The following CTNNA3 variants were observed in gnomAD, a reference collection of about 807,000 sequenced individuals.
The protein encoded by CTNNA3 is catenin alpha 3, also known as catenin alpha-3.
Under a neutral mutation model 95.7 loss-of-function variants are expected in CTNNA3, and 76 were observed. The observed-to-expected ratio is 0.79, with a 90% CI of 0.66 to 0.96. The LOEUF (loss-of-function observed/expected upper bound fraction) is 0.96. CTNNA3 is among the 40% of genes least tolerant of loss of function. The probability of loss-of-function intolerance (pLI) is 0.00; values close to 1 mark genes in which losing one functional copy is unlikely to be tolerated. For missense variants in CTNNA3, 1,191 were observed against 1,089.8 expected (o/e 1.09, Z -1.31); for synonymous variants, 431 against 374.4 (o/e 1.15, Z -1.74).
At chr10:66,999,578 A>G (rs1180811119) in intron 7 of CTNNA3, among the ~76,000 whole-genome samples, 1 of 152,066 alleles carries the variant, frequency 6.6e-6, no homozygotes. Context: ...CATCCCTTTT[A>G]GGTCACAAAA....
At chr10:67,681,396 C>T (rs1241287110) in intron 1 of CTNNA3, among the ~76,000 whole-genome samples, 3 of 152,006 alleles carry the variant, frequency 2.0e-5, no homozygotes, top group Non-Finnish European at 4.4e-5. Context: ...ATGATAAATA[C>T]GGCTTTTCAA....
chr10:67,117,272 A>C (rs1297344263), intron 7 of CTNNA3, among the ~76,000 whole-genome samples: 1 of 151,950 alleles, frequency 6.6e-6, no homozygotes, highest in Non-Finnish European at 1.5e-5. Context: ...AAAAAAAAAA[A>C]CAACTATACT....
At chr10:66,394,862 C>A (rs1195514302) in intron 11 of CTNNA3, among the ~76,000 whole-genome samples, 1 of 151,886 alleles carries the variant, frequency 6.6e-6, no homozygotes, top group African/African-American at 2.4e-5. Flanking sequence ...TTAAAATAAC[C>A]CCCTAGAGGT....
chr10:66,360,816 CCTTTCTTTCTTTCTTT>C (rs758092288), intron 12 of CTNNA3, among the ~76,000 whole-genome samples: 3,314 of 50,206 alleles, frequency 0.066, 351 homozygotes, highest in East Asian at 0.29. Flanking sequence ...TTCCTTCCTT[CCTTTCTTTCTTTCTTT>C]CTTTCTTTCT....
intron 10 of CTNNA3, among the ~76,000 whole-genome samples, chr10:66,564,727 G>A (rs1842653566): frequency 6.6e-6 from 1 of 152,168 alleles, no homozygotes; most frequent in Admixed American, 6.5e-5. Flanking sequence ...GGACATAAAA[G>A]GTGAGGAAGG....
At chr10:67,483,534 G>A (rs576782955) in intron 5 of CTNNA3, among the ~76,000 whole-genome samples, 29 of 151,066 alleles carry the variant, frequency 1.9e-4, no homozygotes, top group Middle Eastern at 3.4e-3. Context: ...ACCAAACACC[G>A]CATGTTCTCA....
In CTNNA3 at chr10:65,916,502, A is replaced by G. The variant is rs1249197501; in HGVS notation, c.*3828T>C. 1 of 152,188 alleles carries G rather than the reference A, an allele frequency of 6.6e-6. No homozygotes were observed. Among genetic ancestry groups the G allele is most frequent in the Non-Finnish European group, 1.5e-5 (1 of 68,026 alleles). 9.4% of individuals were successfully genotyped at this position (152,188 alleles called of 1,614,324 possible). On this transcript the variant is annotated 3_prime_UTR_variant, in exon 18 of 18. Coordinates refer to ENST00000433211, the MANE Select transcript of CTNNA3 (RefSeq NM_013266.4). Reference sequence around the variant, plus strand: ...ATCTTATTCCACTCATACTACCACTATACAAAAATCTGTAGCCATGGGAAC... The same window carrying G: ...ATCTTATTCCACTCATACTACCACTGTACAAAAATCTGTAGCCATGGGAAC...
In CTNNA3 at chr10:67,216,490, C is replaced by A. The variant is rs146075392; in HGVS notation, c.843+3117G>T. ...GGTAAGGAAAAAATGCTTTTCACTGCAAAATCACAAAATGGCATGCCGTAT... is the reference window on the plus strand; with the variant it reads ...GGTAAGGAAAAAATGCTTTTCACTGAAAAATCACAAAATGGCATGCCGTAT... On this transcript the variant is annotated intron_variant, in intron 6 of 17. Transcript: ENST00000433211. Among the ~76,000 whole-genome samples, 1,401 of 152,234 alleles carry A rather than the reference C, an allele frequency of 9.2e-3. 29 individuals are homozygous for A. Among genetic ancestry groups the A allele is most frequent in the African/African-American group, 0.032 (1,329 of 41,536 alleles).
chr10:65,966,700 T>G lies in CTNNA3; in HGVS notation c.2312A>C (p.Gln771Pro). The G allele has an allele frequency of 6.2e-7, 1 of 1,613,738 alleles. No individual in the cohort carries two copies. Among genetic ancestry groups the G allele is most frequent in the Non-Finnish European group, 8.5e-7 (1 of 1,179,694 alleles). Residue 771 changes from glutamine to proline, a missense_variant, in exon 17 of 18, where the codon CAG (glutamine) becomes CCG (proline). Transcript: ENST00000433211. ...CKQDLLAYLE[Q>P]IKFYSHQLKI... Reference sequence around the variant, plus strand: ...CAGTTGGTGGGAGTAGAACTTAATCTGTTCCAGGTAGGCCAACAAGTCCTG... The same window carrying G: ...CAGTTGGTGGGAGTAGAACTTAATCGGTTCCAGGTAGGCCAACAAGTCCTG...
chr10:66,029,275 C>T (rs2079405244), intron 15 of CTNNA3, among the ~76,000 whole-genome samples: 1 of 152,042 alleles, frequency 6.6e-6, no homozygotes, highest in South Asian at 2.1e-4. Context: ...TTTGCTCAAC[C>T]CCCGAAATGC....
chr10:67,135,014 T>C (rs1052121429), intron 7 of CTNNA3, among the ~76,000 whole-genome samples: 3 of 152,044 alleles, frequency 2.0e-5, no homozygotes, highest in East Asian at 1.9e-4. Flanking sequence ...TTTTAATTAA[T>C]AGAAAAAAGA....
intron 11 of CTNNA3, among the ~76,000 whole-genome samples, chr10:66,413,213 T>C (rs2093121879): frequency 6.6e-6 from 1 of 152,190 alleles, no homozygotes; most frequent in African/African-American, 2.4e-5. Flanking sequence ...CCATTCTTGC[T>C]GGTAATATCT....
chr10:66,421,753 T>C (rs2093195083), intron 11 of CTNNA3, among the ~76,000 whole-genome samples: 1 of 147,718 alleles, frequency 6.8e-6, no homozygotes, highest in Non-Finnish European at 1.5e-5. Flanking sequence ...AAGAAATGGC[T>C]GAACCCGAGA....
chr10:66,146,571 T>C (rs1023762706), intron 13 of CTNNA3, among the ~76,000 whole-genome samples: 2 of 152,108 alleles, frequency 1.3e-5, no homozygotes, highest in African/African-American at 4.8e-5. Context: ...TGGTTGGTTT[T>C]TTGAGCCACA....
intron 6 of CTNNA3, among the ~76,000 whole-genome samples, chr10:67,187,468 C>T (rs1308888968): frequency 2.0e-5 from 3 of 152,126 alleles, no homozygotes; most frequent in Admixed American, 6.6e-5. Flanking sequence ...TGTTTTTCCA[C>T]TCATTTCTTC....
intron 10 of CTNNA3, among the ~76,000 whole-genome samples, chr10:66,532,165 TA>T (rs1841488617): frequency 6.6e-6 from 1 of 151,914 alleles, no homozygotes; most frequent in Non-Finnish European, 1.5e-5. Flanking sequence ...TGGCAAAAGT[TA>T]AAAAGAAAAA....
Position 67,318,236 on chromosome 10 carries a change from T to C in CTNNA3, c.580-98366A>G, listed in dbSNP as rs117415174. Among the ~76,000 whole-genome samples, 585 of 152,300 alleles carry C rather than the reference T, an allele frequency of 3.8e-3. 9 individuals are homozygous for C. The East Asian group carries it at 0.06, about 16-fold the overall frequency. On this transcript the variant is annotated intron_variant, in intron 5 of 17. Coordinates refer to ENST00000433211, the MANE Select transcript of CTNNA3 (RefSeq NM_013266.4). ...CTATCCTGAAGCAGTGTGGCATCCA[T>C]TTATTATCAACTACATTAATAATTA...
At chr10:66,185,731 G>C (rs900599180) in intron 13 of CTNNA3, among the ~76,000 whole-genome samples, 2 of 151,878 alleles carry the variant, frequency 1.3e-5, no homozygotes, top group African/African-American at 4.8e-5. Flanking sequence ...ATTAAAAAAA[G>C]TTTGTCTGAA....
chr10:66,834,562 T>C (rs766991707), intron 7 of CTNNA3, among the ~76,000 whole-genome samples: 1 of 152,256 alleles, frequency 6.6e-6, no homozygotes, highest in Non-Finnish European at 1.5e-5. Flanking sequence ...TGAGTGGTCT[T>C]AATCTAAAAT....
Sources: allele counts gnomAD v4.1 joint callset (sites outside exome capture counted in the v4.1 genomes callset), GRCh38; gene constraint gnomAD v4.1.1; transcripts MANE v1.5; gene names NCBI Gene and HGNC (gene_info 2026-07-23, HGNC 2026-07-21).